The following LINGO2 variants were observed in gnomAD, a reference collection of about 807,000 sequenced individuals.
LINGO2 encodes leucine-rich repeat and immunoglobulin-like domain-containing nogo receptor-interacting protein 2.
In LINGO2, 14 loss-of-function variants were observed where a neutral mutation model predicts 30.6. The ratio of observed to expected loss-of-function variants is 0.46; its 90% confidence interval spans 0.30 to 0.72. The LOEUF (loss-of-function observed/expected upper bound fraction) is 0.72. Among genes scored for constraint, LINGO2 ranks in the 30% least tolerant of loss-of-function variants. The probability of loss-of-function intolerance (pLI) is 0.07; values close to 1 mark genes in which losing one functional copy is unlikely to be tolerated. For synonymous variants in LINGO2, 317 were observed against 288.5 expected, an observed-to-expected ratio of 1.10 and a Z score of -1.00; for missense variants, 729 against 751.7, an observed-to-expected ratio of 0.97 and a Z score of 0.35.
chr9:29,161,755 A>G, the LINGO2 span, among the ~76,000 whole-genome samples: 1 of 152,188 alleles, frequency 6.6e-6, no homozygotes, highest in Admixed American at 6.5e-5. Context: ...TAGATAACTC[A>G]AAGAAAACAG....
At chr9:28,340,157 A>G (rs1286751369) in intron 3 of LINGO2, among the ~76,000 whole-genome samples, 1 of 152,148 alleles carries the variant, frequency 6.6e-6, no homozygotes, top group Non-Finnish European at 1.5e-5. Flanking sequence ...AAATTCTGAC[A>G]CTAGTTCTGT....
chr9:28,411,448 C>G (rs531930016), intron 2 of LINGO2, among the ~76,000 whole-genome samples: 1 of 152,192 alleles, frequency 6.6e-6, no homozygotes, highest in South Asian at 2.1e-4. Flanking sequence ...TCACCACCAT[C>G]CATCTCCAGA....
At chr9:28,385,665 G>C (rs1821548944) in intron 2 of LINGO2, among the ~76,000 whole-genome samples, 1 of 152,084 alleles carries the variant, frequency 6.6e-6, no homozygotes, top group African/African-American at 2.4e-5. Context: ...AGTCTCAAAT[G>C]TACTAAATAC....
intron 1 of LINGO2, among the ~76,000 whole-genome samples, chr9:28,621,428 T>C (rs932952044): frequency 1.3e-5 from 2 of 151,914 alleles, no homozygotes; most frequent in Non-Finnish European, 2.9e-5. Context: ...GAACTTTTTC[T>C]CCAAGTGTGT....
chr9:28,228,840 A>G (rs1372148209), intron 4 of LINGO2, among the ~76,000 whole-genome samples: 2 of 151,770 alleles, frequency 1.3e-5, no homozygotes, highest in Non-Finnish European at 3.0e-5. Flanking sequence ...TTAAATTTCT[A>G]TATTTTTAAA....
At chr9:28,211,955 T>C (rs1009138524) in intron 4 of LINGO2, among the ~76,000 whole-genome samples, 2 of 151,286 alleles carry the variant, frequency 1.3e-5, no homozygotes, top group Non-Finnish European at 3.0e-5. Flanking sequence ...TTACTTTCAG[T>C]GGCAAAAACT....
chr9:29,098,469 G>A, the LINGO2 span, among the ~76,000 whole-genome samples: 6,257 of 146,364 alleles, frequency 0.043, 197 homozygotes, highest in Admixed American at 0.082. Flanking sequence ...ACACACATAT[G>A]CGCACACACA....
the LINGO2 span, among the ~76,000 whole-genome samples, chr9:28,993,747 C>T: frequency 7.0e-6 from 1 of 143,026 alleles, no homozygotes; most frequent in South Asian, 2.2e-4. Flanking sequence ...AGCATATAAA[C>T]AGAACCAAAG....
the LINGO2 span, among the ~76,000 whole-genome samples, chr9:29,111,759 G>A: frequency 4.7e-5 from 7 of 149,484 alleles, no homozygotes; most frequent in Middle Eastern, 3.2e-3. Flanking sequence ...TTTGGGAGTC[G>A]GAAGGTGGTG....
At chr9:28,171,285 C>T (rs1211046556) in intron 4 of LINGO2, among the ~76,000 whole-genome samples, 1 of 152,168 alleles carries the variant, frequency 6.6e-6, no homozygotes, top group Non-Finnish European at 1.5e-5. Context: ...ATGGAACAAA[C>T]TTGCAGAGGG....
At chr9:28,870,540 A>G in the LINGO2 span, among the ~76,000 whole-genome samples, 1 of 152,034 alleles carries the variant, frequency 6.6e-6, no homozygotes, top group Non-Finnish European at 1.5e-5. Flanking sequence ...AGTATTTTCT[A>G]TTCATGTGTA....
intron 2 of LINGO2, among the ~76,000 whole-genome samples, chr9:28,453,221 TC>T (rs1824716689): frequency 6.6e-6 from 1 of 151,624 alleles, no homozygotes; most frequent in Non-Finnish European, 1.5e-5. Flanking sequence ...TAAAAAAGAG[TC>T]CCTACTCTCA....
chr9:28,035,217 ATAAGTGTTCTTTCTGT>A lies in LINGO2; in HGVS notation c.-86-22828_-86-22813del, dbSNP rs541514067. Among the ~76,000 whole-genome samples, 275 of 152,108 alleles carry A rather than the reference ATAAGTGTTCTTTCTGT, an allele frequency of 1.8e-3. 3 individuals carry two copies. The highest frequency in any genetic ancestry group is 6.1e-3 in the African/African-American group (255 of 41,518). On this transcript the variant is annotated intron_variant, in intron 4 of 5. Transcript: ENST00000379992. ...TGTCAGCATACTGCTAACTCGGTTGATAAGTGTTCTTTCTGTTTAATGATTTATGCTTCAGAGGGAT... is the reference window on the plus strand; with the variant it reads ...TGTCAGCATACTGCTAACTCGGTTGATTAATGATTTATGCTTCAGAGGGAT...
the LINGO2 span, among the ~76,000 whole-genome samples, chr9:28,804,263 G>C: frequency 6.6e-6 from 1 of 151,986 alleles, no homozygotes; most frequent in East Asian, 1.9e-4. Flanking sequence ...GCAGCTATTG[G>C]GGCCAATGTG....
At chr9:28,377,666 T>C (rs1265040517) in intron 2 of LINGO2, among the ~76,000 whole-genome samples, 1 of 152,202 alleles carries the variant, frequency 6.6e-6, no homozygotes, top group Non-Finnish European at 1.5e-5. Flanking sequence ...AAGGTTACTG[T>C]GACCAAAATC....
At chr9:29,141,111 C>T in the LINGO2 span, among the ~76,000 whole-genome samples, 1 of 151,726 alleles carries the variant, frequency 6.6e-6, no homozygotes, top group African/African-American at 2.4e-5. Context: ...AGATTGCTAG[C>T]AAAGGTAAAT....
chr9:28,925,281 A>G, the LINGO2 span, among the ~76,000 whole-genome samples: 1 of 152,184 alleles, frequency 6.6e-6, no homozygotes, highest in African/African-American at 2.4e-5. Flanking sequence ...TGCTAAGAAT[A>G]TCTTTGTTTA....
chr9:28,064,025 A>G (rs181782726), intron 4 of LINGO2, among the ~76,000 whole-genome samples: 2 of 152,182 alleles, frequency 1.3e-5, no homozygotes. Flanking sequence ...AAAAAATAGC[A>G]TAAGACCAAA....
intron 3 of LINGO2, among the ~76,000 whole-genome samples, chr9:28,308,475 A>G (rs1454041259): frequency 6.8e-6 from 1 of 146,484 alleles, no homozygotes; most frequent in Non-Finnish European, 1.5e-5. Flanking sequence ...AACCATAAAA[A>G]CCCTAGAAGA....
Sources: gnomAD v4.1 joint callset for allele counts (sites outside exome capture counted in the v4.1 genomes callset) on GRCh38, gnomAD v4.1.1 for gene constraint, MANE v1.5 for transcripts, NCBI Gene and HGNC (gene_info 2026-07-23, HGNC 2026-07-21) for gene names.